TEAD1: variants seen among roughly 807,000 people sequenced by gnomAD.
The protein encoded by TEAD1 is TEA domain transcription factor 1, also known as transcriptional enhancer factor TEF-1.
In TEAD1, 9 loss-of-function variants were observed where a neutral mutation model predicts 54.9. The observed-to-expected ratio is 0.16, with a 90% CI of 0.10 to 0.29. The LOEUF is 0.29. TEAD1 is among the 10% of genes least tolerant of loss of function. The probability of loss-of-function intolerance (pLI) is 1.00; values close to 1 mark genes in which losing one functional copy is unlikely to be tolerated. For synonymous variants in TEAD1, 200 were observed against 187.8 expected (o/e 1.07, Z -0.53); for missense variants, 387 against 535.9 (o/e 0.72, Z 2.74).
chr11:12,694,117 G>A (rs1943525185), intron 2 of TEAD1, among the ~76,000 whole-genome samples: 1 of 152,222 alleles, frequency 6.6e-6, no homozygotes, highest in Non-Finnish European at 1.5e-5. Context: ...GGCTGAGTCC[G>A]GGGAAGTGCC....
chr11:12,762,024 G>A lies in TEAD1; in HGVS notation c.-54-2155G>A, dbSNP rs148495390. ...GAACATTCTTTTAAGGCAGTCGAAGGTCCCTCAGTCCCTTCAGCCATCCCC... is the reference window on the plus strand; with the variant it reads ...GAACATTCTTTTAAGGCAGTCGAAGATCCCTCAGTCCCTTCAGCCATCCCC... On this transcript the variant is annotated intron_variant, in intron 2 of 12. Transcript: ENST00000527636. 5.9e-5 allele frequency among the ~76,000 whole-genome samples: 9 copies of A among 152,186 alleles called. No homozygotes were observed. The East Asian group carries it at 1.4e-3, about 23-fold the overall frequency.
intron 3 of TEAD1, chr11:12,828,192 G>GAAT (rs1253757579): frequency 1.3e-5 from 2 of 152,200 alleles, no homozygotes; most frequent in Non-Finnish European, 2.9e-5. Context: ...GCAGGATGGA[G>GAAT]CTCTCTTCCT....
intron 2 of TEAD1, among the ~76,000 whole-genome samples, chr11:12,732,578 A>G (rs1287011416): frequency 6.6e-6 from 1 of 152,208 alleles, no homozygotes; most frequent in African/African-American, 2.4e-5. Flanking sequence ...TGGATGTAGT[A>G]AAGAGAAATT....
rs1944157761 is a variant in TEAD1 at position 12,719,985 on chromosome 11, TTTTTTTTTTGG to T, written c.-54-44193_-54-44183del. 7.7e-5 allele frequency among the ~76,000 whole-genome samples: 4 copies of T among 52,268 alleles called. 2 individuals are homozygous for T. The highest frequency in any genetic ancestry group is 8.7e-4 in the East Asian group (2 of 2,290). 34.3% of individuals were successfully genotyped at this position (52,268 alleles called of 152,430 possible). The stretch of plus-strand genomic sequence containing the variant: ...TTTTTTTTTTTTTTTTTTTTTTTTT[TTTTTTTTTTGG>T]GGGGGGACCCAGCCATGCTGTGTCT... On this transcript the variant is annotated intron_variant, in intron 2 of 12. Coordinates refer to ENST00000527636, the MANE Select transcript of TEAD1 (RefSeq NM_021961.6).
chr11:12,932,563 A>C (rs1279592368), intron 12 of TEAD1, among the ~76,000 whole-genome samples: 1 of 152,150 alleles, frequency 6.6e-6, no homozygotes, highest in Non-Finnish European at 1.5e-5. Context: ...CCTGTTACCC[A>C]CAGAACCTGA....
intron 9 of TEAD1, among the ~76,000 whole-genome samples, chr11:12,900,721 G>A (rs895834910): frequency 6.6e-6 from 1 of 151,974 alleles, no homozygotes; most frequent in African/African-American, 2.4e-5. Flanking sequence ...ACTCAGCTTT[G>A]CCCAAGCCTT....
chr11:12,711,099 A>C (rs145069347), intron 2 of TEAD1, among the ~76,000 whole-genome samples: 83 of 152,196 alleles, frequency 5.5e-4, no homozygotes, highest in African/African-American at 1.8e-3. Flanking sequence ...TAAATTGGGA[A>C]GAGATATGAT....
In TEAD1 at chr11:12,764,463, T is replaced by C. The variant is rs753704976; in HGVS notation, c.202+29T>C. On this transcript the variant is annotated intron_variant, in intron 3 of 12. Coordinates refer to ENST00000527636, the MANE Select transcript of TEAD1 (RefSeq NM_021961.6). ...AGTGGCCTGGAACACTCCTTTGAAA[T>C]ACTACAACCTGCAGTTGTGGTAGGG... is the stretch of plus-strand genomic sequence containing the variant. The C allele has an allele frequency of 2.5e-6, 4 of 1,611,602 alleles. No individual in the cohort carries two copies. In the South Asian group the frequency reaches 4.4e-5, roughly 18 times the overall value.
chr11:12,865,148 A>G (rs1026522735), intron 5 of TEAD1: 5 of 547,584 alleles, frequency 9.1e-6, no homozygotes, highest in Admixed American at 3.0e-5. Context: ...CCTAATAACA[A>G]TGCAAATGCA....
chr11:12,809,992 T>TG (rs1946264234), intron 3 of TEAD1, among the ~76,000 whole-genome samples: 1 of 91,500 alleles, frequency 1.1e-5, no homozygotes, highest in African/African-American at 3.6e-5. Context: ...TTTTTTTTTT[T>TG]TTTTTTGAGA....
chr11:12,726,797 C>T (rs1016874381), intron 2 of TEAD1, among the ~76,000 whole-genome samples: 9 of 151,650 alleles, frequency 5.9e-5, no homozygotes, highest in South Asian at 2.1e-4. Flanking sequence ...GAGATTGCTC[C>T]GCTGCATTAC....
intron 3 of TEAD1, among the ~76,000 whole-genome samples, chr11:12,793,656 C>T (rs1049174627): frequency 6.6e-6 from 1 of 152,124 alleles, no homozygotes; most frequent in African/African-American, 2.4e-5. Context: ...AAAAACCCAC[C>T]GTTTTTAGAT....
intron 2 of TEAD1, among the ~76,000 whole-genome samples, chr11:12,749,455 G>A (rs929968069): frequency 6.6e-6 from 1 of 152,138 alleles, no homozygotes; most frequent in Admixed American, 6.5e-5. Context: ...GTGTGTGCTG[G>A]GGACCCGTAG....
intron 2 of TEAD1, among the ~76,000 whole-genome samples, chr11:12,684,581 G>A (rs1943295000): frequency 1.3e-5 from 2 of 152,176 alleles, no homozygotes; most frequent in African/African-American, 4.8e-5. Flanking sequence ...CTTAATACCT[G>A]CTTTGGGCTA....
chr11:12,944,079 C>T lies in TEAD1; in HGVS notation c.*6857C>T, dbSNP rs1949185331. On this transcript the variant is annotated 3_prime_UTR_variant, in exon 13 of 13. Transcript: ENST00000527636. Reference sequence around the variant, plus strand: ...ATTCTAAATGACTTAATGGGATTCTCACGGTCTGTGTCTTTGTGTCACGTG... The same window carrying T: ...ATTCTAAATGACTTAATGGGATTCTTACGGTCTGTGTCTTTGTGTCACGTG... 1 of 152,552 alleles carries T rather than the reference C, an allele frequency of 6.6e-6. No individual in the cohort carries two copies. The highest frequency in any genetic ancestry group is 1.5e-5 in the Non-Finnish European group (1 of 68,030). 9.4% of individuals were successfully genotyped at this position (152,552 alleles called of 1,614,324 possible).
At chr11:12,877,252 C>T (rs770083142) in intron 5 of TEAD1, among the ~76,000 whole-genome samples, 2 of 152,282 alleles carry the variant, frequency 1.3e-5, no homozygotes, top group Admixed American at 6.5e-5. Flanking sequence ...CACTCGGCCA[C>T]GGGAGGTGTC....
At chr11:12,725,942 A>T (rs947910719) in intron 2 of TEAD1, among the ~76,000 whole-genome samples, 1 of 152,234 alleles carries the variant, frequency 6.6e-6, no homozygotes, top group Non-Finnish European at 1.5e-5. Context: ...TATGGCCTAG[A>T]GTGAGAGATT....
intron 2 of TEAD1, among the ~76,000 whole-genome samples, chr11:12,721,199 G>C (rs1456508976): frequency 2.0e-5 from 3 of 152,196 alleles, no homozygotes; most frequent in Admixed American, 2.0e-4. Context: ...GGACGAGTGA[G>C]TGTAGAAGCA....
chr11:12,792,128 C>T (rs2133962796), intron 3 of TEAD1, among the ~76,000 whole-genome samples: 1 of 152,176 alleles, frequency 6.6e-6, no homozygotes, highest in Non-Finnish European at 1.5e-5. Flanking sequence ...TATTTGAGAT[C>T]ACCTCTCTGA....
Sources: allele counts gnomAD v4.1 joint callset (sites outside exome capture counted in the v4.1 genomes callset), GRCh38; gene constraint gnomAD v4.1.1; transcripts MANE v1.5; gene names NCBI Gene and HGNC (gene_info 2026-07-23, HGNC 2026-07-21).